Variants in UTRN observed in about 807,000 individuals in gnomAD.
UTRN encodes utrophin.
A neutral mutation model predicts 463.9 loss-of-function variants in UTRN; 283 were observed. The observed-to-expected ratio is 0.61, with a 90% CI of 0.55 to 0.67. The LOEUF (loss-of-function observed/expected upper bound fraction) is 0.67. Among genes scored for constraint, UTRN ranks in the 30% least tolerant of loss-of-function variants. UTRN has a pLI of 0.00. For synonymous variants in UTRN, 1,442 were observed against 1,431.5 expected (o/e 1.01, Z -0.17); for missense variants, 3,922 against 4,084.3 (o/e 0.96, Z 1.08).
intron 2 of UTRN, among the ~76,000 whole-genome samples, chr6:144,386,597 T>G (rs1781441843): frequency 6.6e-6 from 1 of 152,230 alleles, no homozygotes; most frequent in African/African-American, 2.4e-5. Context: ...TTATACCCTT[T>G]TAGGCAAAGA....
At chr6:144,416,493 C>T (rs1784374829) in intron 3 of UTRN, among the ~76,000 whole-genome samples, 1 of 152,136 alleles carries the variant, frequency 6.6e-6, no homozygotes, top group Non-Finnish European at 1.5e-5. Flanking sequence ...CCCTTGCTCC[C>T]CGCTAGACCC....
intron 69 of UTRN, among the ~76,000 whole-genome samples, chr6:144,829,479 C>T (rs977260026): frequency 6.6e-6 from 1 of 152,042 alleles, no homozygotes; most frequent in African/African-American, 2.4e-5. Context: ...GGAACTTTCT[C>T]AGCAAATATT....
At chr6:144,441,135 T>C (rs190887218) in intron 13 of UTRN, among the ~76,000 whole-genome samples, 175 of 152,300 alleles carry the variant, frequency 1.1e-3, no homozygotes, top group Middle Eastern at 3.4e-3. Flanking sequence ...CCAAATCTTA[T>C]GTCCTCACAT....
At chr6:144,839,989 G>A (rs959557546) in intron 72 of UTRN, among the ~76,000 whole-genome samples, 73 of 152,112 alleles carry the variant, frequency 4.8e-4, no homozygotes, top group African/African-American at 1.7e-3. Context: ...TGTAATCCCA[G>A]CTCTTTGGGA....
chr6:144,805,396 A>AATC (rs1778058615), intron 65 of UTRN, among the ~76,000 whole-genome samples: 2 of 152,224 alleles, frequency 1.3e-5, no homozygotes, highest in Non-Finnish European at 1.5e-5. Context: ...TAGATAAAGA[A>AATC]ATCAGTAAGG....
intron 53 of UTRN, among the ~76,000 whole-genome samples, chr6:144,728,523 A>G (rs1054585431): frequency 2.7e-5 from 4 of 149,730 alleles, no homozygotes; most frequent in African/African-American, 9.9e-5. Context: ...CGATTTCTTC[A>G]CAAGCTGCGT....
chr6:144,382,164 A>G (rs898869503), intron 2 of UTRN, among the ~76,000 whole-genome samples: 2 of 152,164 alleles, frequency 1.3e-5, no homozygotes, highest in African/African-American at 4.8e-5. Context: ...ATTTAAAGCA[A>G]TTTCACATAA....
chr6:144,750,121 C>A (rs374550074), intron 55 of UTRN, among the ~76,000 whole-genome samples: 8 of 152,110 alleles, frequency 5.3e-5, no homozygotes, highest in African/African-American at 1.9e-4. Context: ...TCTGAGAGAC[C>A]CAGACCTTTT....
At chr6:144,645,739 G>A (rs897122211) in intron 51 of UTRN, among the ~76,000 whole-genome samples, 6 of 152,134 alleles carry the variant, frequency 3.9e-5, no homozygotes, top group African/African-American at 1.4e-4. Context: ...AAAAGTGGCA[G>A]GAGGTATGGA....
At chr6:144,393,011 CCA>C (rs1782075507) in intron 2 of UTRN, among the ~76,000 whole-genome samples, 1 of 115,902 alleles carries the variant, frequency 8.6e-6, no homozygotes, top group Admixed American at 8.2e-5. Flanking sequence ...ATCCATCCAT[CCA>C]TCCATCCATC....
intron 53 of UTRN, among the ~76,000 whole-genome samples, chr6:144,712,854 TA>T (rs1785891839): frequency 6.6e-6 from 1 of 152,172 alleles, no homozygotes; most frequent in Non-Finnish European, 1.5e-5. Flanking sequence ...AAGAAATCAC[TA>T]AAGGTGTTAC....
intron 53 of UTRN, among the ~76,000 whole-genome samples, chr6:144,722,268 A>C (rs1455222922): frequency 5.9e-5 from 9 of 151,728 alleles, no homozygotes; most frequent in Non-Finnish European, 1.0e-4. Flanking sequence ...TTCTCTGCCT[A>C]GATTGCTCTT....
In UTRN at chr6:144,851,594, A is replaced by G. The variant is rs566668461; in HGVS notation, c.*597A>G. On this transcript the variant is annotated 3_prime_UTR_variant, in exon 75 of 75. Coordinates refer to ENST00000367545, the MANE Select transcript of UTRN (RefSeq NM_007124.3). The stretch of plus-strand genomic sequence containing the variant: ...ATAAATTCATAAATTTCAATCAAAT[A>G]TCTTATATATACACACATATGGTTT... 4 of 153,652 alleles carry G rather than the reference A, an allele frequency of 2.6e-5. No homozygotes were observed. Among genetic ancestry groups the G allele is most frequent in the African/African-American group, 7.2e-5 (3 of 41,570 alleles). 9.5% of individuals were successfully genotyped at this position (153,652 alleles called of 1,614,324 possible).
chr6:144,788,107 A>C (rs189968853), intron 61 of UTRN, among the ~76,000 whole-genome samples: 4 of 152,300 alleles, frequency 2.6e-5, no homozygotes, highest in East Asian at 3.9e-4. Flanking sequence ...AACATGTTTC[A>C]TCTGGTCGAC....
At chr6:144,631,930 T>A (rs78210602) in intron 51 of UTRN, among the ~76,000 whole-genome samples, 4,942 of 152,316 alleles carry the variant, frequency 0.032, 261 homozygotes, top group African/African-American at 0.1. Context: ...TTTTCTGAGT[T>A]ATCGTAAAAG....
chr6:144,682,704 A>T (rs576324060), intron 52 of UTRN, among the ~76,000 whole-genome samples: 2 of 152,218 alleles, frequency 1.3e-5, no homozygotes, highest in Admixed American at 1.3e-4. Context: ...GTTTAGCTAA[A>T]GGCGTAAATG....
At position 144,538,683 on chromosome 6, in the gene UTRN, A is replaced by AG. The variant is rs1280044702; in HGVS notation, c.6370-611_6370-610insG. ...AGACTCCGTCTCAAAAAAAAAAAAA[A>AG]AAAAGAAATTATGAGTGTGTATTCA... On this transcript the variant is annotated intron_variant, in intron 44 of 74. Transcript: ENST00000367545. Among the ~76,000 whole-genome samples the AG allele has an allele frequency of 1.9e-3, 293 of 151,526 alleles. 1 individual carries two copies. The highest frequency in any genetic ancestry group is 0.011 in the East Asian group (55 of 5,148).
At chr6:144,776,322 A>C (rs1775317224) in intron 60 of UTRN, among the ~76,000 whole-genome samples, 1 of 152,120 alleles carries the variant, frequency 6.6e-6, no homozygotes, top group Non-Finnish European at 1.5e-5. Context: ...CTCTCACCTT[A>C]GTGACAAGTG....
At chr6:144,291,423 C>T (rs1298637098) in intron 1 of UTRN, among the ~76,000 whole-genome samples, 1 of 152,222 alleles carries the variant, frequency 6.6e-6, no homozygotes, top group Non-Finnish European at 1.5e-5. Flanking sequence ...AGAAAGCCTT[C>T]TCTAATTGCC....
Sources: allele counts gnomAD v4.1 joint callset (sites outside exome capture counted in the v4.1 genomes callset), GRCh38; gene constraint gnomAD v4.1.1; transcripts MANE v1.5; gene names NCBI Gene and HGNC (gene_info 2026-07-23, HGNC 2026-07-21).